The following TAFA2 variants were observed in gnomAD, a reference collection of about 807,000 sequenced individuals.
TAFA2 encodes the protein chemokine-like protein TAFA-2.
TAFA2 carries 7 observed loss-of-function variants against 18.8 expected under a neutral mutation model. That is an observed-to-expected ratio of 0.37 (90% confidence interval 0.21 to 0.70). TAFA2 has a LOEUF of 0.70. Among genes scored for constraint, TAFA2 ranks in the 30% least tolerant of loss-of-function variants. The probability of loss-of-function intolerance (pLI) is 0.53; values close to 1 mark genes in which losing one functional copy is unlikely to be tolerated. For missense variants in TAFA2, 122 were observed against 158.1 expected, an observed-to-expected ratio of 0.77 and a Z score of 1.23; for synonymous variants, 60 against 54.2, an observed-to-expected ratio of 1.11 and a Z score of -0.47.
intron 1 of TAFA2, among the ~76,000 whole-genome samples, chr12:62,050,031 G>A (rs1221273414): frequency 6.6e-6 from 1 of 152,172 alleles, no homozygotes; most frequent in Non-Finnish European, 1.5e-5. Flanking sequence ...GACTAATGCT[G>A]ACTAGAGCAA....
chr12:62,018,232 A>G lies in TAFA2; in HGVS notation c.-1-150806T>C, dbSNP rs1043816804. On this transcript the variant is annotated intron_variant, in intron 1 of 4. Coordinates refer to ENST00000416284, the MANE Select transcript of TAFA2 (RefSeq NM_178539.5). ...CCCTCCAGGTAAACTCCATCAAACT[A>G]TAGTTTTAAAAGCAGTTAACATACT... 2.0e-5 allele frequency among the ~76,000 whole-genome samples: 3 copies of G among 152,192 alleles called. No individual in the cohort carries two copies. In the South Asian group the frequency reaches 6.2e-4, roughly 31 times the overall value.
chr12:62,138,971 GA>G (rs1308980135), intron 1 of TAFA2, among the ~76,000 whole-genome samples: 1 of 151,914 alleles, frequency 6.6e-6, no homozygotes, highest in Admixed American at 6.6e-5. Context: ...GAAATAAGGT[GA>G]AAAAAACAGT....
chr12:62,059,540 G>T (rs1882289534), intron 1 of TAFA2, among the ~76,000 whole-genome samples: 1 of 151,998 alleles, frequency 6.6e-6, no homozygotes. Flanking sequence ...TAGCAGTGGG[G>T]CGGGGCGGGG....
intron 1 of TAFA2, among the ~76,000 whole-genome samples, chr12:62,159,672 G>A (rs904574320): frequency 6.6e-6 from 1 of 151,958 alleles, no homozygotes; most frequent in African/African-American, 2.4e-5. Context: ...GGACTGCAAG[G>A]CATAAGAATG....
At position 61,879,607 on chromosome 12, in the gene TAFA2, T is replaced by A. The variant is rs945461865; in HGVS notation, c.-1-12181A>T. On this transcript the variant is annotated intron_variant, in intron 1 of 4. Transcript: ENST00000416284. Reference sequence around the variant, plus strand: ...CTGCACACCCAGGAGAAGGAGCAGATCAAGACATTCAAAACAAGTTTGCCT... The same window carrying A: ...CTGCACACCCAGGAGAAGGAGCAGAACAAGACATTCAAAACAAGTTTGCCT... 3 of 784,848 alleles carry A rather than the reference T, an allele frequency of 3.8e-6. No individual in the cohort carries two copies. In the African/African-American group the frequency reaches 5.1e-5, roughly 13 times the overall value. 48.6% of individuals were successfully genotyped at this position (784,848 alleles called of 1,614,324 possible). A position where few individuals can be genotyped will look rare whatever the true frequency, so the allele number is the denominator to read the frequency against.
intron 1 of TAFA2, among the ~76,000 whole-genome samples, chr12:62,215,768 T>G (rs1277682618): frequency 1.0e-4 from 15 of 149,768 alleles, no homozygotes; most frequent in African/African-American, 3.4e-4. Context: ...AAAAAAGAGA[T>G]ATGACACTTG....
chr12:62,235,039 T>C (rs11174386), intron 1 of TAFA2: 156,157 of 626,982 alleles, frequency 0.25, 20,642 homozygotes, highest in African/African-American at 0.34. Context: ...ATATGAGACA[T>C]CACTGGAATT....
chr12:62,138,309 T>C (rs772002893), intron 1 of TAFA2, among the ~76,000 whole-genome samples: 6 of 152,118 alleles, frequency 3.9e-5, no homozygotes, highest in Non-Finnish European at 8.8e-5. Context: ...AATAAAATTG[T>C]GCACCAACTA....
Position 61,812,130 on chromosome 12 carries a change from T to C in TAFA2, c.106+55190A>G, listed in dbSNP as rs188518521. On this transcript the variant is annotated intron_variant, in intron 2 of 4. Transcript: ENST00000416284. ...CATGATGCAACCTGGCCTGGGAGTT[T>C]CCAGGAGACAAGACCACCTCAGCAC... Among the ~76,000 whole-genome samples, 74 of 151,476 alleles carry C rather than the reference T, an allele frequency of 4.9e-4. 1 individual carries two copies. The highest frequency in any genetic ancestry group is 1.8e-3 in the Admixed American group (28 of 15,280).
intron 1 of TAFA2, among the ~76,000 whole-genome samples, chr12:61,909,980 G>T (rs147446537): frequency 2.0e-5 from 3 of 152,074 alleles, no homozygotes; most frequent in African/African-American, 7.2e-5. Context: ...ACAAAAATAC[G>T]TAAGACAAAT....
At chr12:62,240,907 C>A (rs2062859927) in intron 1 of TAFA2, among the ~76,000 whole-genome samples, 1 of 152,046 alleles carries the variant, frequency 6.6e-6, no homozygotes, top group South Asian at 2.1e-4. Flanking sequence ...AAGTTGCATG[C>A]CCCTTATGAG....
At chr12:62,108,620 C>T (rs1869574141) in intron 1 of TAFA2, among the ~76,000 whole-genome samples, 1 of 152,182 alleles carries the variant, frequency 6.6e-6, no homozygotes, top group Non-Finnish European at 1.5e-5. Context: ...AAAAGCGTTC[C>T]TATTTCTCCA....
intron 1 of TAFA2, among the ~76,000 whole-genome samples, chr12:62,256,544 TATA>T (rs2062940015): frequency 6.6e-6 from 1 of 152,162 alleles, no homozygotes; most frequent in Admixed American, 6.6e-5. Context: ...CACTTTATTT[TATA>T]ATAAGAAAAC....
intron 1 of TAFA2, among the ~76,000 whole-genome samples, chr12:61,909,606 C>A (rs717045): frequency 1.3e-5 from 2 of 152,010 alleles, no homozygotes; most frequent in Non-Finnish European, 2.9e-5. Context: ...CAGCCAGTAG[C>A]GATAGTCATG....
chr12:61,980,660 T>A (rs756699979), intron 1 of TAFA2, among the ~76,000 whole-genome samples: 3 of 151,942 alleles, frequency 2.0e-5, no homozygotes, highest in Non-Finnish European at 4.4e-5. Context: ...CTATACACCA[T>A]TAACAGACAA....
chr12:61,910,585 G>T (rs554728578), intron 1 of TAFA2, among the ~76,000 whole-genome samples: 25 of 152,270 alleles, frequency 1.6e-4, no homozygotes, highest in African/African-American at 5.1e-4. Context: ...CAACAGCCCT[G>T]CCATCAAGGA....
At chr12:62,195,151 G>T (rs1419219721), upstream of TAFA2, among the ~76,000 whole-genome samples, 1 of 152,176 alleles carries the variant, frequency 6.6e-6, no homozygotes, top group Non-Finnish European at 1.5e-5. Context: ...TTTCACAAAA[G>T]ATTTCTCTGT....
chr12:61,989,031 G>C (rs1879910386), intron 1 of TAFA2, among the ~76,000 whole-genome samples: 2 of 152,144 alleles, frequency 1.3e-5, no homozygotes, highest in Admixed American at 1.3e-4. Flanking sequence ...TATGATGTAA[G>C]TGCCTTTCCT....
chr12:61,775,180 A>G (rs928124440), intron 2 of TAFA2, among the ~76,000 whole-genome samples: 1 of 151,866 alleles, frequency 6.6e-6, no homozygotes, highest in African/African-American at 2.4e-5. Context: ...ATGTGGAGCA[A>G]CAAGAACTCT....
Sources: gnomAD v4.1 joint callset for allele counts (sites outside exome capture counted in the v4.1 genomes callset) on GRCh38, gnomAD v4.1.1 for gene constraint, MANE v1.5 for transcripts, NCBI Gene and HGNC (gene_info 2026-07-23, HGNC 2026-07-21) for gene names.